Variants in PTPRG observed in about 807,000 individuals in gnomAD.
PTPRG encodes protein tyrosine phosphatase receptor type G.
A neutral mutation model predicts 165.3 loss-of-function variants in PTPRG; 102 were observed. The ratio of observed to expected loss-of-function variants is 0.62; its 90% CI spans 0.53 to 0.73. PTPRG has a LOEUF of 0.73. Ranked by LOEUF, PTPRG falls within the 30% of genes least tolerant of loss-of-function variation. The probability of loss-of-function intolerance (pLI) is 0.00; values close to 1 mark genes in which losing one functional copy is unlikely to be tolerated. For missense variants in PTPRG, 1,866 were observed against 1,861.4 expected (o/e 1.00, Z -0.05); for synonymous variants, 675 against 669.5 (o/e 1.01, Z -0.13).
Position 61,677,258 on chromosome 3 carries a change from A to AG in PTPRG, c.86-71620_86-71619insG, listed in dbSNP as rs537537195. On this transcript the variant is annotated intron_variant, in intron 1 of 29. Coordinates refer to ENST00000474889, the MANE Select transcript of PTPRG (RefSeq NM_002841.4). ...AGACTCCGTCTCAAAAAAAAAAAAA[A>AG]AAAAAAGAATCACTACCTCTTCTTA... Among the ~76,000 whole-genome samples the AG allele has an allele frequency of 5.2e-3, 788 of 151,960 alleles. 4 individuals carry two copies. The highest frequency in any genetic ancestry group is 7.6e-3 in the Non-Finnish European group (519 of 67,932).
chr3:61,641,156 A>C (rs1219763494), intron 1 of PTPRG, among the ~76,000 whole-genome samples: 1 of 152,174 alleles, frequency 6.6e-6, no homozygotes, highest in Non-Finnish European at 1.5e-5. Context: ...TCTCAGTTCT[A>C]GTGAAACAAA....
intron 14 of PTPRG, among the ~76,000 whole-genome samples, chr3:62,238,473 A>G (rs1701079821): frequency 6.6e-6 from 1 of 152,154 alleles, no homozygotes; most frequent in South Asian, 2.1e-4. Context: ...GACAACTTCA[A>G]TGCCTTCATA....
chr3:61,975,055 A>T (rs2040470298), intron 2 of PTPRG, among the ~76,000 whole-genome samples: 1 of 120,472 alleles, frequency 8.3e-6, no homozygotes, highest in Non-Finnish European at 1.8e-5. Context: ...CTAAATACCA[A>T]ATAGCATAAC....
intron 2 of PTPRG, among the ~76,000 whole-genome samples, chr3:61,946,359 G>T (rs1479182500): frequency 6.6e-6 from 1 of 152,226 alleles, no homozygotes; most frequent in Non-Finnish European, 1.5e-5. Context: ...TGCCTGTGAG[G>T]TTTGAAGCTG....
chr3:62,203,554 G>T lies in PTPRG; in HGVS notation c.1759G>T (p.Glu587Ter). Residue 587 changes from glutamate (E) to a stop codon, truncating the protein, a stop_gained, in exon 12 of 30, where the codon GAG becomes TAG. Coordinates refer to ENST00000474889, the MANE Select transcript of PTPRG (RefSeq NM_002841.4). LOFTEE classifies it high-confidence loss of function. This position sits in a 1 kb window ranked among gnomAD's most constrained non-coding sequence, Gnocchi z 6.4. Reference protein sequence around the residue: ...TEEGEKDEKSESEDGEREHEE... With the variant: ...TEEGEKDEKS ...GGAAGGAGAGAAGGATGAGAAAAGC[G>T]AGAGTGAGGATGGGGAGCGGGAGCA... 1 of 1,553,048 alleles carries T rather than the reference G, an allele frequency of 6.4e-7. No individual in the cohort carries two copies. The highest frequency in any genetic ancestry group is 8.7e-7 in the Non-Finnish European group (1 of 1,147,590).
At chr3:61,562,508 G>T (rs558481773) in intron 1 of PTPRG, 136 bp downstream of exon 1, 4 of 743,776 alleles carry the variant, frequency 5.4e-6, no homozygotes, top group Non-Finnish European at 9.1e-6. Flanking sequence ...CGCCCGGATA[G>T]GAGAAAAGGA....
Position 61,923,698 on chromosome 3 carries a change from T to A in PTPRG, c.191-65927T>A, listed in dbSNP as rs186227846. Reference sequence around the variant, plus strand: ...TGTCCAGTTTATTTTTTGTATTTTTTTTTTTTTTTTTTTGTAGAGACAGGG... The same window carrying A: ...TGTCCAGTTTATTTTTTGTATTTTTATTTTTTTTTTTTTGTAGAGACAGGG... On this transcript the variant is annotated intron_variant, in intron 2 of 29. Coordinates refer to ENST00000474889, the MANE Select transcript of PTPRG (RefSeq NM_002841.4). Among the ~76,000 whole-genome samples the A allele has an allele frequency of 8.4e-4, 122 of 145,710 alleles. 1 individual carries two copies. The highest frequency in any genetic ancestry group is 6.5e-3 in the East Asian group (33 of 5,070).
At chr3:62,091,770 A>T (rs1435262515) in intron 5 of PTPRG, among the ~76,000 whole-genome samples, 1 of 152,070 alleles carries the variant, frequency 6.6e-6, no homozygotes, top group African/African-American at 2.4e-5. Context: ...AATTTATTTC[A>T]TTAGTCCCAG....
intron 1 of PTPRG, among the ~76,000 whole-genome samples, chr3:61,679,132 G>A (rs1703338334): frequency 6.6e-6 from 1 of 152,196 alleles, no homozygotes; most frequent in Non-Finnish European, 1.5e-5. Context: ...AAAGCTTGCT[G>A]CCTCAGGGAT....
intron 5 of PTPRG, among the ~76,000 whole-genome samples, chr3:62,089,492 T>C (rs1298623864): frequency 6.6e-6 from 1 of 152,212 alleles, no homozygotes; most frequent in Non-Finnish European, 1.5e-5. Flanking sequence ...ACGTCCATGA[T>C]AGAAATATTT....
chr3:61,755,385 G>C (rs1047888304), intron 2 of PTPRG, among the ~76,000 whole-genome samples: 3 of 152,184 alleles, frequency 2.0e-5, no homozygotes, highest in African/African-American at 7.2e-5. Flanking sequence ...CCATGTCTCA[G>C]CTCAAAGGCT....
chr3:61,654,531 T>C (rs1008542607), intron 1 of PTPRG, among the ~76,000 whole-genome samples: 7 of 151,486 alleles, frequency 4.6e-5, no homozygotes, highest in Admixed American at 4.6e-4. Context: ...ACTAGAGGCA[T>C]GTGCCACCAT....
intron 2 of PTPRG, among the ~76,000 whole-genome samples, chr3:61,979,302 T>G (rs2040584105): frequency 6.6e-6 from 1 of 152,250 alleles, no homozygotes; most frequent in Non-Finnish European, 1.5e-5. Flanking sequence ...TGAACTCATT[T>G]AAAATTTTAT....
intron 2 of PTPRG, among the ~76,000 whole-genome samples, chr3:61,980,949 G>A (rs1400995105): frequency 3.9e-5 from 6 of 152,184 alleles, no homozygotes; most frequent in African/African-American, 1.2e-4. Flanking sequence ...CTTGTGAATA[G>A]TACCAACCTA....
chr3:61,579,194 C>T (rs186690666), intron 1 of PTPRG, among the ~76,000 whole-genome samples: 1 of 152,294 alleles, frequency 6.6e-6, no homozygotes, highest in Admixed American at 6.5e-5. Flanking sequence ...GAACTTTGGC[C>T]AAGTTATCTC....
rs138223971 is a variant in PTPRG at position 61,663,664 on chromosome 3, A to G, written c.86-85214A>G. On this transcript the variant is annotated intron_variant, in intron 1 of 29. Coordinates refer to ENST00000474889, the MANE Select transcript of PTPRG (RefSeq NM_002841.4). ...TAATGAAATAATTATACAGTTCACC[A>G]AACTGTAGAATCAGTGGGAGCCCTG... is the stretch of plus-strand genomic sequence containing the variant. 2.0e-5 allele frequency among the ~76,000 whole-genome samples: 3 copies of G among 152,314 alleles called. No homozygotes were observed. The East Asian group carries it at 5.8e-4, about 29-fold the overall frequency.
chr3:61,663,874 G>A (rs1191899733), intron 1 of PTPRG, among the ~76,000 whole-genome samples: 1 of 152,054 alleles, frequency 6.6e-6, no homozygotes, highest in Non-Finnish European at 1.5e-5. Context: ...CAGAGCTCAG[G>A]CAGTAATGCT....
intron 2 of PTPRG, among the ~76,000 whole-genome samples, chr3:61,935,344 A>T (rs1448133512): frequency 6.6e-6 from 1 of 152,186 alleles, no homozygotes; most frequent in Non-Finnish European, 1.5e-5. Context: ...TTTGATGGAC[A>T]TCCTGTCTTC....
chr3:61,908,390 A>G (rs2038712632), intron 2 of PTPRG, among the ~76,000 whole-genome samples: 1 of 130,970 alleles, frequency 7.6e-6, no homozygotes, highest in African/African-American at 3.1e-5. Context: ...GTACTACTGT[A>G]CTCCAGCCTG....
Sources: allele counts gnomAD v4.1 joint callset (sites outside exome capture counted in the v4.1 genomes callset), GRCh38; gene constraint gnomAD v4.1.1; non-coding constraint Gnocchi (gnomAD v3.1); transcripts MANE v1.5; gene names NCBI Gene and HGNC (gene_info 2026-07-23, HGNC 2026-07-21).